Variants in CSMD1 observed in about 807,000 individuals in gnomAD.
CSMD1 encodes CUB and sushi domain-containing protein 1.
In CSMD1, 213 loss-of-function variants were observed where a neutral mutation model predicts 417.5. The observed-to-expected ratio is 0.51, with a 90% CI of 0.46 to 0.57. CSMD1 has a LOEUF of 0.57. Ranked by LOEUF, CSMD1 falls within the 20% of genes least tolerant of loss-of-function variation. The pLI is 0.00. For missense variants in CSMD1, 6,923 were observed against 4,529.7 expected, an observed-to-expected ratio of 1.53 and a Z score of -15.17; for synonymous variants, 2,862 against 1,736.8, an observed-to-expected ratio of 1.65 and a Z score of -16.11.
chr8:4,466,383 G>T (rs1206230480), intron 2 of CSMD1, among the ~76,000 whole-genome samples: 2 of 152,010 alleles, frequency 1.3e-5, no homozygotes, highest in Admixed American at 1.3e-4. Flanking sequence ...ATGTATCGGG[G>T]AGTTGAAGAA....
intron 43 of CSMD1, among the ~76,000 whole-genome samples, chr8:3,109,737 C>G (rs756258877): frequency 2.0e-4 from 30 of 151,890 alleles, no homozygotes; most frequent in African/African-American, 7.3e-4. Flanking sequence ...GCAGCCACAC[C>G]ACACACAACA....
At chr8:4,362,838 C>T (rs1357714581) in intron 3 of CSMD1, among the ~76,000 whole-genome samples, 1 of 152,054 alleles carries the variant, frequency 6.6e-6, no homozygotes, top group East Asian at 1.9e-4. Context: ...GATAGTTGTT[C>T]CCCATTGGTT....
At chr8:3,993,697 T>C (rs566537636) in intron 5 of CSMD1, among the ~76,000 whole-genome samples, 2 of 152,282 alleles carry the variant, frequency 1.3e-5, no homozygotes, top group South Asian at 4.2e-4. Context: ...AAGTAACAGA[T>C]GTTTCTTTTG....
At chr8:4,632,250 C>G (rs776692127) in intron 2 of CSMD1, among the ~76,000 whole-genome samples, 93 of 152,110 alleles carry the variant, frequency 6.1e-4, no homozygotes, top group Non-Finnish European at 1.1e-3. Context: ...ATGTGAAAGT[C>G]AACATATCTT....
chr8:4,558,735 G>A (rs565706695), intron 2 of CSMD1, among the ~76,000 whole-genome samples: 1 of 152,226 alleles, frequency 6.6e-6, no homozygotes, highest in African/African-American at 2.4e-5. Context: ...CCAGCATGGT[G>A]GTGGCGCCTG....
intron 5 of CSMD1, among the ~76,000 whole-genome samples, chr8:3,764,739 CTT>C (rs66603480): frequency 0.052 from 6,765 of 129,812 alleles, 258 homozygotes; most frequent in East Asian, 0.24. Context: ...TTTTCTCTTT[CTT>C]TTTTTTTTTT....
intron 6 of CSMD1, among the ~76,000 whole-genome samples, chr8:3,740,667 A>C (rs1218483864): frequency 6.6e-6 from 1 of 152,210 alleles, no homozygotes; most frequent in African/African-American, 2.4e-5. Flanking sequence ...AGATTTTACG[A>C]GATGTATTGG....
intron 1 of CSMD1, among the ~76,000 whole-genome samples, chr8:4,784,445 G>T (rs369135947): frequency 1.3e-5 from 2 of 152,156 alleles, no homozygotes; most frequent in South Asian, 2.1e-4. Context: ...TTTTGAACCC[G>T]TGATTAAAAT....
chr8:3,292,123 A>G (rs774527585), intron 25 of CSMD1, among the ~76,000 whole-genome samples: 1 of 152,018 alleles, frequency 6.6e-6, no homozygotes, highest in African/African-American at 2.4e-5. Context: ...CAGTTTCCAT[A>G]TAGTTGAGCA....
chr8:3,476,164 G>A (rs990520000), intron 11 of CSMD1, among the ~76,000 whole-genome samples: 3 of 152,140 alleles, frequency 2.0e-5, no homozygotes, highest in African/African-American at 4.8e-5. Context: ...GCAACATAGC[G>A]AGGCCTTGGC....
intron 25 of CSMD1, among the ~76,000 whole-genome samples, chr8:3,289,301 C>G (rs564282565): frequency 1.4e-5 from 2 of 147,008 alleles, no homozygotes; most frequent in African/African-American, 5.4e-5. Flanking sequence ...GTGCATGTGT[C>G]TTTATAGCAG....
intron 5 of CSMD1, among the ~76,000 whole-genome samples, chr8:3,896,578 C>G (rs1219885243): frequency 1.3e-5 from 2 of 151,984 alleles, no homozygotes; most frequent in East Asian, 1.9e-4. Context: ...GTGGCGTGAT[C>G]TCGGCTCACC....
rs150808737 is a variant in CSMD1, at chr8:3,319,122, G to T, written c.3632-10619C>A. Reference sequence around the variant, plus strand: ...GTCTTGCATCCAGATAATAACTGAAGAAGTAACTTCCTTGCTGAAAAGGCC... The same window carrying T: ...GTCTTGCATCCAGATAATAACTGAATAAGTAACTTCCTTGCTGAAAAGGCC... On this transcript the variant is annotated intron_variant, in intron 23 of 69. Coordinates refer to ENST00000635120, the MANE Select transcript of CSMD1 (RefSeq NM_033225.6). 1.2e-3 allele frequency among the ~76,000 whole-genome samples: 180 copies of T among 152,150 alleles called. 1 individual carries two copies. Among genetic ancestry groups the T allele is most frequent in the African/African-American group, 4.1e-3 (171 of 41,504 alleles).
rs1335928057 is a variant in CSMD1 at position 4,960,496 on chromosome 8, T to A, written c.85+33836A>T. 3.3e-5 allele frequency among the ~76,000 whole-genome samples: 5 copies of A among 152,194 alleles called. No homozygotes were observed. The East Asian group carries it at 7.7e-4, about 23-fold the overall frequency. On this transcript the variant is annotated intron_variant, in intron 1 of 69. Transcript: ENST00000635120. ...CAAACTAAGCTGAATTCCTTGTTTA[T>A]GATTCTTCAAGGAACAAGATAGATG...
intron 5 of CSMD1, among the ~76,000 whole-genome samples, chr8:3,904,076 G>C (rs989154604): frequency 6.6e-6 from 1 of 152,044 alleles, no homozygotes; most frequent in African/African-American, 2.4e-5. Flanking sequence ...GATATCTTCA[G>C]TCAAAGATTG....
intron 1 of CSMD1, among the ~76,000 whole-genome samples, chr8:4,947,821 G>A (rs747374897): frequency 5.9e-5 from 9 of 151,936 alleles, no homozygotes; most frequent in African/African-American, 9.7e-5. Flanking sequence ...TCAAGTTTTT[G>A]CATATAGCTG....
rs139518129 is a variant in CSMD1 at position 3,561,019 on chromosome 8, G to T, written c.1344+13926C>A. 2.1e-3 allele frequency among the ~76,000 whole-genome samples: 315 copies of T among 152,228 alleles called. 5 individuals carry two copies. In the East Asian group the frequency reaches 0.033, roughly 16 times the overall value. ...TTATTTAACAGCAATAAAACGGCAG[G>T]CAGTGAATACACACATGAAAAAATG... On this transcript the variant is annotated intron_variant, in intron 10 of 69. Coordinates refer to ENST00000635120, the MANE Select transcript of CSMD1 (RefSeq NM_033225.6).
chr8:4,900,331 C>A (rs1302048105), intron 1 of CSMD1, among the ~76,000 whole-genome samples: 1 of 152,170 alleles, frequency 6.6e-6, no homozygotes, highest in East Asian at 1.9e-4. Context: ...TGAATAGCTA[C>A]ACCATTTGTC....
At chr8:3,118,253 C>G in intron 42 of CSMD1, 146 bp downstream of exon 42, 1 of 636,032 alleles carries the variant, frequency 1.6e-6, no homozygotes. Flanking sequence ...TCCTTAAATA[C>G]TAAGTGGAGT....
Sources: gnomAD v4.1 joint callset for allele counts (sites outside exome capture counted in the v4.1 genomes callset) on GRCh38, gnomAD v4.1.1 for gene constraint, MANE v1.5 for transcripts, NCBI Gene and HGNC (gene_info 2026-07-23, HGNC 2026-07-21) for gene names.